SMYD3: variants seen among roughly 807,000 people sequenced by gnomAD.
SMYD3 encodes SET and MYND domain containing 3.
A neutral mutation model predicts 57.7 loss-of-function variants in SMYD3; 36 were observed. The observed-to-expected ratio is 0.62, with a 90% CI of 0.48 to 0.82. SMYD3 has a LOEUF of 0.82. Among genes scored for constraint, SMYD3 ranks in the 40% least tolerant of loss-of-function variants. SMYD3 has a pLI of 0.00. For synonymous variants in SMYD3, 211 were observed against 195.0 expected, an observed-to-expected ratio of 1.08 and a Z score of -0.68; for missense variants, 515 against 538.8, an observed-to-expected ratio of 0.96 and a Z score of 0.44.
chr1:246,381,630 T>C (rs983362562), intron 1 of SMYD3, among the ~76,000 whole-genome samples: 1 of 152,210 alleles, frequency 6.6e-6, no homozygotes, highest in Admixed American at 6.5e-5. Context: ...TACCTCTTTA[T>C]ATCGCCATCC....
At position 245,890,623 on chromosome 1, in the gene SMYD3, G is replaced by C. The variant is rs114014542; in HGVS notation, c.813+24907C>G. ...AAGGGAACCCTCGCACACTATTGTT[G>C]GGAATGTAAATTAGTACATCTACTA... On this transcript the variant is annotated intron_variant, in intron 8 of 11. Transcript: ENST00000490107. Among the ~76,000 whole-genome samples the C allele has an allele frequency of 6.2e-3, 940 of 152,264 alleles. 9 individuals carry two copies. The highest frequency in any genetic ancestry group is 0.021 in the African/African-American group (884 of 41,550).
chr1:245,818,721 C>CA (rs905179407), intron 10 of SMYD3, among the ~76,000 whole-genome samples: 8 of 150,380 alleles, frequency 5.3e-5, no homozygotes, highest in African/African-American at 1.5e-4. Flanking sequence ...AAATGGAAAA[C>CA]AAAAAAAAGG....
intron 5 of SMYD3, among the ~76,000 whole-genome samples, chr1:245,951,386 G>A (rs1170826219): frequency 7.2e-5 from 10 of 139,776 alleles, no homozygotes; most frequent in South Asian, 2.3e-4. Flanking sequence ...TGGCTAACAC[G>A]GTGAAACCCC....
intron 5 of SMYD3, among the ~76,000 whole-genome samples, chr1:245,948,650 A>G (rs202075887): frequency 2.1e-5 from 3 of 142,442 alleles, no homozygotes; most frequent in East Asian, 2.2e-4. Context: ...TGGGCCCCAA[A>G]TAGCCCTTGA....
At chr1:246,346,095 T>C (rs995552225) in intron 2 of SMYD3, among the ~76,000 whole-genome samples, 6 of 152,100 alleles carry the variant, frequency 3.9e-5, no homozygotes, top group African/African-American at 1.2e-4. Context: ...CCATCCTGGC[T>C]AACACGGTAA....
chr1:245,786,218 G>GGC (rs1553321389), intron 10 of SMYD3, among the ~76,000 whole-genome samples: 2 of 147,576 alleles, frequency 1.4e-5, no homozygotes, highest in African/African-American at 5.1e-5. Context: ...GTGGACGGGG[G>GGC]GGGGATGGTG....
chr1:245,884,777 C>A (rs1337689431), intron 8 of SMYD3, among the ~76,000 whole-genome samples: 2 of 151,306 alleles, frequency 1.3e-5, no homozygotes, highest in Admixed American at 1.3e-4. Context: ...CTGTGTCTAG[C>A]TAAAGGATTG....
At chr1:245,945,779 T>A (rs922499354) in intron 5 of SMYD3, among the ~76,000 whole-genome samples, 11 of 152,066 alleles carry the variant, frequency 7.2e-5, no homozygotes, top group Non-Finnish European at 1.3e-4. Flanking sequence ...TACTACACAG[T>A]AATAAAAAGG....
chr1:246,347,601 A>C (rs868473633), intron 2 of SMYD3, among the ~76,000 whole-genome samples: 1 of 152,180 alleles, frequency 6.6e-6, no homozygotes, highest in African/African-American at 2.4e-5. Flanking sequence ...AATTACCATT[A>C]TATCAGTGTT....
At chr1:246,458,844 T>G (rs1178356692) in intron 1 of SMYD3, among the ~76,000 whole-genome samples, 1 of 152,048 alleles carries the variant, frequency 6.6e-6, no homozygotes, top group Non-Finnish European at 1.5e-5. Context: ...CAGGAACATG[T>G]GATGTGAAAA....
At chr1:246,461,733 C>CA (rs34973427) in intron 1 of SMYD3, among the ~76,000 whole-genome samples, 109,615 of 122,786 alleles carry the variant, frequency 0.89, 49,608 homozygotes, top group East Asian at 0.98. Context: ...GACTCTGTCT[C>CA]AAAAAAAAAA....
chr1:246,175,275 A>C (rs2062412878), intron 5 of SMYD3, among the ~76,000 whole-genome samples: 1 of 152,196 alleles, frequency 6.6e-6, no homozygotes, highest in African/African-American at 2.4e-5. Flanking sequence ...GTCAGGCTTC[A>C]AGATGATTTT....
At chr1:246,101,065 TTTTTTG>T (rs1219012129) in intron 5 of SMYD3, among the ~76,000 whole-genome samples, 718 of 69,424 alleles carry the variant, frequency 0.01, 77 homozygotes, top group South Asian at 0.033. Context: ...TTTTTAGGGG[TTTTTTG>T]TTTTTTTTTT....
At chr1:245,960,132 C>G (rs1414035457) in intron 5 of SMYD3, among the ~76,000 whole-genome samples, 1 of 152,184 alleles carries the variant, frequency 6.6e-6, no homozygotes, top group African/African-American at 2.4e-5. Context: ...CAGGTAAACT[C>G]TGAGTCCAAA....
chr1:246,496,128 C>G (rs1370295838), intron 1 of SMYD3, among the ~76,000 whole-genome samples: 1 of 151,940 alleles, frequency 6.6e-6, no homozygotes, highest in African/African-American at 2.4e-5. Flanking sequence ...CCTCTGCCTC[C>G]CGGGTTCAAG....
Position 246,366,672 on chromosome 1 carries a change from G to A in SMYD3, c.165-11578C>T, listed in dbSNP as rs146058163. On this transcript the variant is annotated intron_variant, in intron 1 of 11. Coordinates refer to ENST00000490107, the MANE Select transcript of SMYD3 (RefSeq NM_001167740.2). ...CTCAAAAACAAAATTGGCCAGGCAC[G>A]GTAGCTCACGCCTGTAATCCCAGCA... 1.9e-3 allele frequency among the ~76,000 whole-genome samples: 287 copies of A among 152,024 alleles called. 2 individuals are homozygous for A. Among genetic ancestry groups the A allele is most frequent in the African/African-American group, 6.6e-3 (273 of 41,498 alleles).
At chr1:246,242,486 T>C (rs1248723899) in intron 5 of SMYD3, among the ~76,000 whole-genome samples, 2 of 152,194 alleles carry the variant, frequency 1.3e-5, no homozygotes, top group Non-Finnish European at 2.9e-5. Flanking sequence ...TCTTTTATAT[T>C]TGCTGAGGAG....
intron 10 of SMYD3, among the ~76,000 whole-genome samples, chr1:245,817,155 GC>G (rs2048870218): frequency 6.6e-6 from 1 of 150,468 alleles, no homozygotes; most frequent in Non-Finnish European, 1.5e-5. Context: ...CTGTCTGACA[GC>G]TTTGAAGAGA....
At chr1:246,038,471 A>T (rs992245053) in intron 5 of SMYD3, among the ~76,000 whole-genome samples, 10 of 152,020 alleles carry the variant, frequency 6.6e-5, no homozygotes, top group Admixed American at 5.9e-4. Context: ...CACAAAATGG[A>T]GCGAGCATCC....
Sources: gnomAD v4.1 joint callset for allele counts (sites outside exome capture counted in the v4.1 genomes callset) on GRCh38, gnomAD v4.1.1 for gene constraint, MANE v1.5 for transcripts, NCBI Gene and HGNC (gene_info 2026-07-23, HGNC 2026-07-21) for gene names.